The following SHISA9 variants were observed in gnomAD, a reference collection of about 807,000 sequenced individuals.
SHISA9 encodes shisa family member 9, also known as protein shisa-9.
A neutral mutation model predicts 38.0 loss-of-function variants in SHISA9; 13 were observed. That is an observed-to-expected ratio of 0.34 (90% CI 0.22 to 0.54). SHISA9 has a LOEUF of 0.54. Among genes scored for constraint, SHISA9 ranks in the 20% least tolerant of loss-of-function variants. SHISA9 has a pLI of 0.91. For missense variants in SHISA9, 538 were observed against 575.8 expected, an observed-to-expected ratio of 0.93 and a Z score of 0.67; for synonymous variants, 275 against 242.0, an observed-to-expected ratio of 1.14 and a Z score of -1.27.
rs954637353 is a variant in SHISA9, at chr16:13,027,447, T to A, written c.691+110632T>A. Among the ~76,000 whole-genome samples the A allele has an allele frequency of 4.6e-5, 7 of 152,172 alleles. 1 individual carries two copies. Among genetic ancestry groups the A allele is most frequent in the African/African-American group, 1.7e-4 (7 of 41,438 alleles). On this transcript the variant is annotated intron_variant, in intron 2 of 4. Coordinates refer to ENST00000558583, the MANE Select transcript of SHISA9 (RefSeq NM_001145204.3). ...CCCAGCAATTTTACTCCTCTGTATCTATCCAAGAGAATTGAAAATTATGTC... is the reference window on the plus strand; with the variant it reads ...CCCAGCAATTTTACTCCTCTGTATCAATCCAAGAGAATTGAAAATTATGTC...
At chr16:13,393,809 C>T in the SHISA9 span, among the ~76,000 whole-genome samples, 4 of 152,182 alleles carry the variant, frequency 2.6e-5, no homozygotes, top group Non-Finnish European at 5.9e-5. Context: ...CTGTGTCATA[C>T]TGGCATGGTG....
intron 2 of SHISA9, among the ~76,000 whole-genome samples, chr16:12,937,907 C>T (rs904954298): frequency 4.6e-5 from 7 of 152,080 alleles, no homozygotes; most frequent in African/African-American, 1.4e-4. Context: ...ATATCTTTTG[C>T]CCTTTTGCTG....
the SHISA9 span, among the ~76,000 whole-genome samples, chr16:13,250,773 C>T: frequency 6.6e-6 from 1 of 152,092 alleles, no homozygotes; most frequent in Non-Finnish European, 1.5e-5. Flanking sequence ...TTGGCTGGAA[C>T]CCATTCAGCC....
Position 13,013,460 on chromosome 16 carries a change from G to T in SHISA9, c.691+96645G>T, listed in dbSNP as rs185357200. Among the ~76,000 whole-genome samples the T allele has an allele frequency of 6.4e-3, 971 of 152,240 alleles. 12 individuals carry two copies. Among genetic ancestry groups the T allele is most frequent in the African/African-American group, 0.023 (935 of 41,536 alleles). ...TGGTGGCTCCTGGAAGGGATTCATG[G>T]GTTGTCAATGGAACCACACTTGACT... is the stretch of plus-strand genomic sequence containing the variant. On this transcript the variant is annotated intron_variant, in intron 2 of 4. Coordinates refer to ENST00000558583, the MANE Select transcript of SHISA9 (RefSeq NM_001145204.3).
At position 12,968,193 on chromosome 16, in the gene SHISA9, A is replaced by G. The variant is rs1182792601; in HGVS notation, c.691+51378A>G. Among the ~76,000 whole-genome samples, 10 of 24,438 alleles carry G rather than the reference A, an allele frequency of 4.1e-4. No individual in the cohort carries two copies. The South Asian group carries it at 8.0e-3, about 19-fold the overall frequency. 16.0% of individuals were successfully genotyped at this position (24,438 alleles called of 152,430 possible). A position where few individuals can be genotyped will look rare whatever the true frequency, so the allele number is the denominator to read the frequency against. Reference sequence around the variant, plus strand: ...TGACAGAGGAAGGCTCCATCTCAAAAAAAAAAAAAAAAAAAAAAAAAAAAA... The same window carrying G: ...TGACAGAGGAAGGCTCCATCTCAAAGAAAAAAAAAAAAAAAAAAAAAAAAA... On this transcript the variant is annotated intron_variant, in intron 2 of 4. Transcript: ENST00000558583.
At position 13,235,542 on chromosome 16, in the gene SHISA9, A is replaced by C; in HGVS notation, c.*133A>C. ...CACTCTCAACAAGAACCAACTCTAA[A>C]CCTACTGGGGACACAGAGTCGCGCT... is the stretch of plus-strand genomic sequence containing the variant. On this transcript the variant is annotated 3_prime_UTR_variant, in exon 5 of 5. Coordinates refer to ENST00000558583, the MANE Select transcript of SHISA9 (RefSeq NM_001145204.3). 3.5e-6 allele frequency: 4 copies of C among 1,142,740 alleles called. No individual in the cohort carries two copies. Among genetic ancestry groups the C allele is most frequent in the Non-Finnish European group, 4.8e-6 (4 of 833,256 alleles). The allele number at this position is 1,142,740 out of a possible 1,614,324, so 70.8% of individuals were successfully genotyped here.
At chr16:13,402,889 C>T in the SHISA9 span, among the ~76,000 whole-genome samples, 11 of 152,108 alleles carry the variant, frequency 7.2e-5, no homozygotes, top group Non-Finnish European at 1.2e-4. Flanking sequence ...GAGGCCAAGG[C>T]GGGCAGGTCA....
chr16:13,212,508 AT>A (rs1344849282), intron 3 of SHISA9, among the ~76,000 whole-genome samples: 1 of 152,206 alleles, frequency 6.6e-6, no homozygotes, highest in East Asian at 1.9e-4. Context: ...TTCAATTCGG[AT>A]AAACTGATTT....
At chr16:13,217,513 G>A (rs527622715) in intron 4 of SHISA9, among the ~76,000 whole-genome samples, 12 of 152,214 alleles carry the variant, frequency 7.9e-5, no homozygotes, top group South Asian at 6.2e-4. Flanking sequence ...ATCAGCCTGC[G>A]TCCCCCTTTC....
chr16:12,971,284 G>T (rs958123138), intron 2 of SHISA9, among the ~76,000 whole-genome samples: 17 of 152,182 alleles, frequency 1.1e-4, no homozygotes, highest in African/African-American at 4.1e-4. Context: ...GTTTCCTAGG[G>T]CTGTCTAGTA....
intron 2 of SHISA9, among the ~76,000 whole-genome samples, chr16:13,066,780 C>T (rs1596623183): frequency 6.6e-6 from 1 of 152,216 alleles, no homozygotes; most frequent in African/African-American, 2.4e-5. Context: ...ATCAGGGCCT[C>T]TATATGTAAT....
intron 2 of SHISA9, among the ~76,000 whole-genome samples, chr16:12,994,925 C>G (rs924847756): frequency 6.6e-6 from 1 of 152,020 alleles, no homozygotes; most frequent in African/African-American, 2.4e-5. Context: ...GATATCAAGT[C>G]CACAGATGAA....
At chr16:13,225,927 A>G (rs913313554) in intron 4 of SHISA9, among the ~76,000 whole-genome samples, 3 of 152,136 alleles carry the variant, frequency 2.0e-5, no homozygotes, top group Non-Finnish European at 4.4e-5. Context: ...TTCTTTTGTA[A>G]ATGAAGAAAA....
Position 13,235,363 on chromosome 16 carries a change from C to A in SHISA9, c.1229C>A (p.Pro410Gln). ...LGTRPQHYPP[P>Q]QPYFITNSKT... ...ACTCGCCCCCAGCACTACCCACCCC[C>A]ACAGCCATACTTCATCACCAACAGC... The change falls in exon 5 of 5, where the codon CCA (proline) becomes CAA (glutamine). Residue 410 changes from proline to glutamine, a missense_variant. Transcript: ENST00000558583. 2 of 1,541,448 alleles carry A rather than the reference C, an allele frequency of 1.3e-6. No homozygotes were observed. Among genetic ancestry groups the A allele is most frequent in the East Asian group, 2.4e-5 (1 of 40,910 alleles).
intron 2 of SHISA9, among the ~76,000 whole-genome samples, chr16:13,015,987 T>TCCCCTCCCCTCCCCTCCCCTTC (rs2072752124): frequency 1.0e-4 from 1 of 9,888 alleles, no homozygotes; most frequent in African/African-American, 5.1e-4. Context: ...TTCCCTTCCC[T>TCCCCTCCCCTCCCCTCCCCTTC]TCTTTTCTTT....
intron 2 of SHISA9, among the ~76,000 whole-genome samples, chr16:13,188,519 A>G (rs1275901770): frequency 2.0e-5 from 3 of 152,062 alleles, no homozygotes; most frequent in Admixed American, 2.0e-4. Context: ...GGAGTTCGAG[A>G]CCAGCCTTGG....
intron 3 of SHISA9, among the ~76,000 whole-genome samples, chr16:13,212,307 A>C (rs2051128486): frequency 6.6e-6 from 1 of 152,198 alleles, no homozygotes; most frequent in Non-Finnish European, 1.5e-5. Context: ...TCTCGTGGGT[A>C]GGGTTGCCCC....
chr16:13,450,506 C>T, the SHISA9 span, among the ~76,000 whole-genome samples: 5 of 152,212 alleles, frequency 3.3e-5, no homozygotes, highest in African/African-American at 1.2e-4. Context: ...TAATTTAGCC[C>T]TTCATCACCC....
At chr16:13,550,288 C>T in the SHISA9 span, among the ~76,000 whole-genome samples, 1 of 152,096 alleles carries the variant, frequency 6.6e-6, no homozygotes, top group Non-Finnish European at 1.5e-5. Flanking sequence ...TCTCCAGCCC[C>T]TAGAAACTCT....
Sources: gnomAD v4.1 joint callset for allele counts (sites outside exome capture counted in the v4.1 genomes callset) on GRCh38, gnomAD v4.1.1 for gene constraint, MANE v1.5 for transcripts, NCBI Gene and HGNC (gene_info 2026-07-23, HGNC 2026-07-21) for gene names.